Variants in UCK2 observed in about 807,000 individuals in gnomAD.
UCK2 encodes uridine-cytidine kinase 2, also known as cytidine monophosphokinase 2.
UCK2 carries 6 observed loss-of-function variants against 30.8 expected under a neutral mutation model. The ratio of observed to expected loss-of-function variants is 0.19; its 90% CI spans 0.11 to 0.38. The LOEUF is 0.38. Ranked by LOEUF, UCK2 falls within the 10% of genes least tolerant of loss-of-function variation. UCK2 has a pLI of 1.00. For missense variants in UCK2, 210 were observed against 339.8 expected (o/e 0.62, Z 3.00); for synonymous variants, 125 against 133.6 (o/e 0.94, Z 0.45).
At chr1:165,891,377 T>A in intron 3 of UCK2, 55 bp downstream of exon 3, 1 of 1,511,718 alleles carries the variant, frequency 6.6e-7, no homozygotes, top group Non-Finnish European at 9.2e-7. Flanking sequence ...AGAGCATCCC[T>A]GGTCTGCACT....
At chr1:165,901,230 C>T (rs933415200) in intron 4 of UCK2, among the ~76,000 whole-genome samples, 1 of 152,176 alleles carries the variant, frequency 6.6e-6, no homozygotes, top group Admixed American at 6.5e-5. Flanking sequence ...GACACATTAG[C>T]GATCAGCCAA....
At chr1:165,889,488 G>A (rs916839255) in intron 1 of UCK2, among the ~76,000 whole-genome samples, 3 of 152,094 alleles carry the variant, frequency 2.0e-5, no homozygotes, top group Non-Finnish European at 4.4e-5. Flanking sequence ...AAGCAGACAG[G>A]ATCAGGTAGC....
In UCK2 at chr1:165,835,160, G is replaced by A. The variant is rs114017733; in HGVS notation, c.99+7228G>A. Among the ~76,000 whole-genome samples the A allele has an allele frequency of 3.3e-5, 5 of 152,100 alleles. No individual in the cohort carries two copies. In the South Asian group the frequency reaches 8.3e-4, roughly 25 times the overall value. On this transcript the variant is annotated intron_variant, in intron 1 of 6. Coordinates refer to ENST00000367879, the MANE Select transcript of UCK2 (RefSeq NM_012474.5). Reference sequence around the variant, plus strand: ...GAGATGAGCACTGTCTTTGCCCTTCGCAGGCTTCTAGTCTCCTAGGCTGTC... The same window carrying A: ...GAGATGAGCACTGTCTTTGCCCTTCACAGGCTTCTAGTCTCCTAGGCTGTC...
At chr1:165,871,476 C>T (rs1655195493) in intron 1 of UCK2, among the ~76,000 whole-genome samples, 1 of 152,138 alleles carries the variant, frequency 6.6e-6, no homozygotes, top group African/African-American at 2.4e-5. Flanking sequence ...TTTTGTAACG[C>T]TCTGTATATG....
intron 1 of UCK2, among the ~76,000 whole-genome samples, chr1:165,851,670 C>T (rs945908434): frequency 5.3e-5 from 8 of 151,934 alleles, no homozygotes; most frequent in African/African-American, 9.7e-5. Context: ...GCAGAACGTG[C>T]GGGTTTGTTA....
intron 1 of UCK2, among the ~76,000 whole-genome samples, chr1:165,860,727 GGT>G (rs999672701): frequency 2.0e-5 from 3 of 152,156 alleles, no homozygotes; most frequent in African/African-American, 7.2e-5. Context: ...TGGGATTACA[GGT>G]GTGAGCCACA....
At chr1:165,872,822 T>C (rs1655233265) in intron 1 of UCK2, among the ~76,000 whole-genome samples, 2 of 152,194 alleles carry the variant, frequency 1.3e-5, no homozygotes, top group South Asian at 4.1e-4. Context: ...CACATGGTTT[T>C]ATATGTAGGG....
chr1:165,849,814 T>C (rs1364852721), intron 1 of UCK2, among the ~76,000 whole-genome samples: 1 of 152,194 alleles, frequency 6.6e-6, no homozygotes, highest in Non-Finnish European at 1.5e-5. Flanking sequence ...CAGAGGGTTT[T>C]CTTGCTCAAG....
chr1:165,889,530 C>T (rs1655709900), intron 1 of UCK2, among the ~76,000 whole-genome samples: 1 of 152,060 alleles, frequency 6.6e-6, no homozygotes, highest in African/African-American at 2.4e-5. Flanking sequence ...GGGAAAGGCT[C>T]TTCTGGAGGA....
intron 1 of UCK2, among the ~76,000 whole-genome samples, chr1:165,832,449 C>T (rs1654074016): frequency 6.6e-6 from 1 of 152,066 alleles, no homozygotes; most frequent in African/African-American, 2.4e-5. Context: ...TAAATTTCTT[C>T]CACTGTGTTT....
intron 1 of UCK2, among the ~76,000 whole-genome samples, chr1:165,877,503 CA>C (rs1247685542): frequency 6.6e-6 from 1 of 152,186 alleles, no homozygotes; most frequent in African/African-American, 2.4e-5. Flanking sequence ...CAATTTTATA[CA>C]AATATAACCA....
chr1:165,846,376 G>T (rs143263995), intron 1 of UCK2, among the ~76,000 whole-genome samples: 1 of 152,164 alleles, frequency 6.6e-6, no homozygotes. Context: ...ATGGGTATGG[G>T]ATTTTGACTG....
At chr1:165,870,476 T>G (rs902808450) in intron 1 of UCK2, among the ~76,000 whole-genome samples, 1 of 151,160 alleles carries the variant, frequency 6.6e-6, no homozygotes, top group Non-Finnish European at 1.5e-5. Context: ...GTTTTCCCAG[T>G]ACCATTTGCT....
chr1:165,834,143 CA>C (rs776293666), intron 1 of UCK2, among the ~76,000 whole-genome samples: 2 of 152,074 alleles, frequency 1.3e-5, no homozygotes, highest in Non-Finnish European at 2.9e-5. Context: ...TTTTGGTGGT[CA>C]TTCAAGACTG....
chr1:165,832,640 GCT>G (rs1654079621), intron 1 of UCK2, among the ~76,000 whole-genome samples: 1 of 152,074 alleles, frequency 6.6e-6, no homozygotes, highest in Non-Finnish European at 1.5e-5. Context: ...ACAGAGCCTT[GCT>G]CTGTCACCCA....
chr1:165,864,403 TATTA>T (rs1470393852), intron 1 of UCK2, among the ~76,000 whole-genome samples: 1 of 152,202 alleles, frequency 6.6e-6, no homozygotes, highest in African/African-American at 2.4e-5. Flanking sequence ...ACAAATGTTT[TATTA>T]ATTATTTTTA....
At chr1:165,864,184 G>A (rs1011798611) in intron 1 of UCK2, among the ~76,000 whole-genome samples, 1 of 152,134 alleles carries the variant, frequency 6.6e-6, no homozygotes, top group South Asian at 2.1e-4. Context: ...TTGACCTCAG[G>A]TGATCCACCC....
At chr1:165,874,461 C>T (rs1367522212) in intron 1 of UCK2, among the ~76,000 whole-genome samples, 1 of 152,116 alleles carries the variant, frequency 6.6e-6, no homozygotes, top group Non-Finnish European at 1.5e-5. Flanking sequence ...ACATGTAGCT[C>T]ATATAGCATT....
intron 1 of UCK2, among the ~76,000 whole-genome samples, chr1:165,850,165 CTT>C (rs1373317862): frequency 6.6e-6 from 1 of 152,116 alleles, no homozygotes; most frequent in African/African-American, 2.4e-5. Flanking sequence ...GAGTTTTGCT[CTT>C]GTTACCCAGG....
Sources: allele counts gnomAD v4.1 joint callset (sites outside exome capture counted in the v4.1 genomes callset), GRCh38; gene constraint gnomAD v4.1.1; transcripts MANE v1.5; gene names NCBI Gene and HGNC (gene_info 2026-07-23, HGNC 2026-07-21).